ALK: variants seen among roughly 807,000 people sequenced by gnomAD.
ALK encodes the protein ALK receptor tyrosine kinase.
In ALK, 74 loss-of-function variants were observed where a neutral mutation model predicts 163.1. The observed-to-expected ratio is 0.45, with a 90% confidence interval of 0.38 to 0.55. The LOEUF (loss-of-function observed/expected upper bound fraction) is 0.55. Ranked by LOEUF, ALK falls within the 20% of genes least tolerant of loss-of-function variation. The probability of loss-of-function intolerance (pLI) is 0.00; values close to 1 mark genes in which losing one functional copy is unlikely to be tolerated. For missense variants in ALK, 2,063 were observed against 2,105.3 expected (o/e 0.98, Z 0.39); for synonymous variants, 960 against 843.2 (o/e 1.14, Z -2.40).
rs2148188760 is a variant in ALK at position 29,239,755 on chromosome 2, C to T, written c.2280G>A (p.Leu760=). The part of the protein sequence containing the change: ...TMMRSHGVSV[L]GIFNLEKDDM... ...CATCCTTCTCCAGGTTGAAGATGCC[C>T]AGCACAGACACGCCGTGGGACCGCA... The change falls in exon 13 of 29, where the codon CTG becomes CTA. Residue 760 remains leucine, a synonymous_variant. Coordinates refer to ENST00000389048, the MANE Select transcript of ALK (RefSeq NM_004304.5). The T allele has an allele frequency of 6.2e-7, 1 of 1,614,076 alleles. No homozygotes were observed. The highest frequency in any genetic ancestry group is 8.5e-7 in the Non-Finnish European group (1 of 1,180,030).
intron 3 of ALK, among the ~76,000 whole-genome samples, chr2:29,581,848 A>G (rs1213580479): frequency 6.6e-6 from 1 of 152,218 alleles, no homozygotes; most frequent in Non-Finnish European, 1.5e-5. Context: ...GATGGCTTAA[A>G]TGTCCATCCT....
chr2:29,396,223 CT>C (rs1373012941), intron 4 of ALK, among the ~76,000 whole-genome samples: 1 of 152,148 alleles, frequency 6.6e-6, no homozygotes, highest in Non-Finnish European at 1.5e-5. Context: ...GATAATAACG[CT>C]GTTGCAGGCT....
At position 29,835,632 on chromosome 2, in the gene ALK, T is replaced by C. The variant is rs565727295; in HGVS notation, c.667+84361A>G. On this transcript the variant is annotated intron_variant, in intron 1 of 28. Transcript: ENST00000389048. The stretch of plus-strand genomic sequence containing the variant: ...TGGTTTGCCTGTGTCCCCACTCAAA[T>C]CTCATCTTGAATGGTAGCTCGCATA... Among the ~76,000 whole-genome samples, 3 of 152,284 alleles carry C rather than the reference T, an allele frequency of 2.0e-5. No homozygotes were observed. In the East Asian group the frequency reaches 5.8e-4, roughly 29 times the overall value.
At chr2:29,608,639 A>G (rs1320253917) in intron 3 of ALK, among the ~76,000 whole-genome samples, 1 of 152,166 alleles carries the variant, frequency 6.6e-6, no homozygotes, top group Non-Finnish European at 1.5e-5. Flanking sequence ...TGAATGGACG[A>G]TGCTTGCTCC....
At chr2:29,288,975 T>A (rs201461730) in intron 9 of ALK, among the ~76,000 whole-genome samples, 55,910 of 107,916 alleles carry the variant, frequency 0.52, 17,088 homozygotes, top group Non-Finnish European at 0.64. Context: ...AATAAATAAA[T>A]AAATAAATAA....
intron 6 of ALK, among the ~76,000 whole-genome samples, chr2:29,324,642 A>AGG (rs1171294953): frequency 2.0e-5 from 3 of 152,208 alleles, no homozygotes; most frequent in African/African-American, 7.2e-5. Context: ...TGAATCACTG[A>AGG]CCCATCTAGG....
At chr2:29,918,077 G>C (rs1667883263) in intron 1 of ALK, among the ~76,000 whole-genome samples, 1 of 152,160 alleles carries the variant, frequency 6.6e-6, no homozygotes, top group South Asian at 2.1e-4. Flanking sequence ...CCTTATTTAA[G>C]ACTTGAGTGG....
chr2:29,705,265 A>C (rs1270964726), intron 2 of ALK, among the ~76,000 whole-genome samples: 811 of 54,944 alleles, frequency 0.015, 46 homozygotes, highest in African/African-American at 0.084. Context: ...ATATATATAT[A>C]TATATATATA....
At chr2:29,283,810 T>C (rs529644254) in intron 9 of ALK, among the ~76,000 whole-genome samples, 10 of 152,322 alleles carry the variant, frequency 6.6e-5, no homozygotes, top group Non-Finnish European at 1.3e-4. Context: ...TGTTTACTAG[T>C]AACATGTGCT....
Position 29,328,436 on chromosome 2 carries a change from C to T in ALK, c.1328G>A (p.Cys443Tyr). Residue 443 changes from cysteine (C) to tyrosine (Y), a missense_variant, in exon 6 of 29, where the codon TGT (cysteine) becomes TAT (tyrosine). Physicochemically the swap from Cys to Tyr is radical, Grantham distance 194. Coordinates refer to ENST00000389048, the MANE Select transcript of ALK (RefSeq NM_004304.5). ...AAGCTGGAGGACTGTCCCATTCCAA[C>T]AAGTGAAGGAGCTCTGCAGGGCCAT... Reference protein sequence around the residue: ...SKMALQSSFTCWNGTVLQLGQ... With the variant: ...SKMALQSSFTYWNGTVLQLGQ... 1 of 1,614,186 alleles carries T rather than the reference C, an allele frequency of 6.2e-7. No homozygotes were observed.
chr2:29,479,765 G>A (rs746771221), intron 4 of ALK, among the ~76,000 whole-genome samples: 2 of 152,116 alleles, frequency 1.3e-5, no homozygotes, highest in Non-Finnish European at 2.9e-5. Flanking sequence ...TCCTACCACC[G>A]CCCCCAGATG....
chr2:29,313,629 T>C (rs905913737), intron 8 of ALK, among the ~76,000 whole-genome samples: 2 of 152,118 alleles, frequency 1.3e-5, no homozygotes, highest in African/African-American at 4.8e-5. Flanking sequence ...AGGAAGAGCA[T>C]GAAACTCAGA....
intron 4 of ALK, among the ~76,000 whole-genome samples, chr2:29,424,655 ATTCAATGATAG>A (rs1670093548): frequency 6.6e-6 from 1 of 152,240 alleles, no homozygotes; most frequent in South Asian, 2.1e-4. Context: ...TTATTTGTAT[ATTCAATGATAG>A]TTCATTCATT....
At chr2:29,705,289 A>ATATATATT (rs1678875518) in intron 2 of ALK, among the ~76,000 whole-genome samples, 1 of 117,956 alleles carries the variant, frequency 8.5e-6, no homozygotes, top group Non-Finnish European at 1.8e-5. Flanking sequence ...ATAAATATAT[A>ATATATATT]TCTGCTGTGA....
At chr2:29,894,632 A>C (rs1266941985) in intron 1 of ALK, among the ~76,000 whole-genome samples, 1 of 152,122 alleles carries the variant, frequency 6.6e-6, no homozygotes, top group Non-Finnish European at 1.5e-5. Flanking sequence ...CTTCAAGTCC[A>C]GGATAATTTC....
chr2:29,611,884 A>G (rs996780651), intron 3 of ALK, among the ~76,000 whole-genome samples: 2 of 152,200 alleles, frequency 1.3e-5, no homozygotes, highest in African/African-American at 4.8e-5. Flanking sequence ...TGTGAGTCAA[A>G]TATACCCTTT....
intron 4 of ALK, among the ~76,000 whole-genome samples, chr2:29,509,561 C>T (rs1198336884): frequency 1.3e-5 from 2 of 152,154 alleles, no homozygotes; most frequent in African/African-American, 4.8e-5. Context: ...ATCCTAGGAA[C>T]TTTTATACTT....
intron 3 of ALK, among the ~76,000 whole-genome samples, chr2:29,615,085 C>G (rs1031794342): frequency 4.6e-5 from 7 of 152,196 alleles, no homozygotes; most frequent in Non-Finnish European, 2.9e-5. Context: ...TCCCGAAGTA[C>G]TGGGCCTGCA....
intron 9 of ALK, among the ~76,000 whole-genome samples, chr2:29,279,878 G>A (rs1665661405): frequency 6.6e-6 from 1 of 152,234 alleles, no homozygotes; most frequent in Non-Finnish European, 1.5e-5. Context: ...TGGGATTGAG[G>A]GAAAGTTCTG....
Sources: gnomAD v4.1 joint callset for allele counts (sites outside exome capture counted in the v4.1 genomes callset) on GRCh38, gnomAD v4.1.1 for gene constraint, MANE v1.5 for transcripts, NCBI Gene and HGNC (gene_info 2026-07-23, HGNC 2026-07-21) for gene names.